FNDC3A: variants seen among roughly 807,000 people sequenced by gnomAD.
FNDC3A encodes the protein fibronectin type-III domain-containing protein 3A.
Under a neutral mutation model 148.9 loss-of-function variants are expected in FNDC3A, and 32 were observed. The observed-to-expected ratio is 0.21, with a 90% confidence interval of 0.16 to 0.29. The LOEUF is 0.29. Ranked by LOEUF, FNDC3A falls within the 10% of genes least tolerant of loss-of-function variation. The probability of loss-of-function intolerance (pLI) is 1.00; values close to 1 mark genes in which losing one functional copy is unlikely to be tolerated. For missense variants in FNDC3A, 1,191 were observed against 1,452.8 expected (o/e 0.82, Z 2.93); for synonymous variants, 472 against 473.6 (o/e 1.00, Z 0.04).
At chr13:49,131,002 G>T in intron 4 of FNDC3A, 135 bp from the exon 5 acceptor site, 1 of 667,510 alleles carries the variant, frequency 1.5e-6, no homozygotes, top group East Asian at 2.7e-5. Context: ...CTGACCCTAG[G>T]TAATCCACCT....
chr13:49,187,676 T>A, intron 16 of FNDC3A: 1 of 1,579,844 alleles, frequency 6.3e-7, no homozygotes, highest in Non-Finnish European at 8.7e-7. Context: ...AACGTAGCGC[T>A]GCTGGAAGCT....
intron 7 of FNDC3A, among the ~76,000 whole-genome samples, chr13:49,143,661 A>G (rs765627672): frequency 8.5e-5 from 13 of 152,152 alleles, no homozygotes; most frequent in Non-Finnish European, 1.5e-4. Flanking sequence ...TTTTAAAAAT[A>G]CTTTATTTGT....
chr13:49,095,733 A>G (rs900576351), intron 3 of FNDC3A, among the ~76,000 whole-genome samples: 1 of 152,102 alleles, frequency 6.6e-6, no homozygotes, highest in Non-Finnish European at 1.5e-5. Context: ...TTTTTGATTC[A>G]GGGAAGTACT....
chr13:49,061,840 C>T (rs554099938), intron 2 of FNDC3A, among the ~76,000 whole-genome samples: 7 of 111,506 alleles, frequency 6.3e-5, no homozygotes, highest in Admixed American at 4.3e-4. Context: ...AAGCTGGTCT[C>T]AAACTCTTGG....
intron 8 of FNDC3A, among the ~76,000 whole-genome samples, chr13:49,155,467 C>G (rs1883605851): frequency 6.8e-6 from 1 of 147,526 alleles, no homozygotes; most frequent in African/African-American, 2.5e-5. Flanking sequence ...TTTCAAAAAA[C>G]CAGCTCCTGG....
intron 3 of FNDC3A, among the ~76,000 whole-genome samples, chr13:49,106,568 CCCA>C (rs1880186239): frequency 6.6e-6 from 1 of 152,186 alleles, no homozygotes; most frequent in African/African-American, 2.4e-5. Context: ...ACCTCAGCTT[CCCA>C]AAGTGCCGGC....
intron 2 of FNDC3A, among the ~76,000 whole-genome samples, chr13:49,023,404 C>G (rs1314661676): frequency 6.6e-6 from 1 of 151,398 alleles, no homozygotes; most frequent in Non-Finnish European, 1.5e-5. Context: ...TATGACAAAA[C>G]TAAAATATTT....
rs1309432589 is a variant in FNDC3A at position 48,985,262 on chromosome 13, A to G, written c.-40+9085A>G. On this transcript the variant is annotated intron_variant, in intron 1 of 25. Coordinates refer to ENST00000492622, the MANE Select transcript of FNDC3A (RefSeq NM_001079673.2). ...GCAGGAAATTTATAGAGGTAGAAAT[A>G]TAGGTAGCCTGTTAAGTTTTGAAGG... Among the ~76,000 whole-genome samples, 4 of 152,232 alleles carry G rather than the reference A, an allele frequency of 2.6e-5. No individual in the cohort carries two copies. The East Asian group carries it at 7.7e-4, about 29-fold the overall frequency.
chr13:49,143,791 TA>T (rs1013523929), intron 7 of FNDC3A, among the ~76,000 whole-genome samples: 15 of 152,156 alleles, frequency 9.9e-5, no homozygotes, highest in African/African-American at 2.4e-4. Context: ...TGTGCTTCCC[TA>T]TTTAATATTT....
At chr13:49,139,104 G>T (rs556716416) in intron 7 of FNDC3A, among the ~76,000 whole-genome samples, 107 of 152,280 alleles carry the variant, frequency 7.0e-4, no homozygotes, top group African/African-American at 2.5e-3. Flanking sequence ...AGTAAAGATT[G>T]CTATTATAGA....
chr13:49,204,456 T>C (rs951713125), intron 25 of FNDC3A, among the ~76,000 whole-genome samples: 25 of 152,358 alleles, frequency 1.6e-4, no homozygotes, highest in African/African-American at 6.0e-4. Flanking sequence ...GTAACCACTC[T>C]ATGTAATATC....
intron 13 of FNDC3A, among the ~76,000 whole-genome samples, chr13:49,178,021 C>T (rs531122357): frequency 1.3e-5 from 2 of 152,208 alleles, no homozygotes; most frequent in African/African-American, 4.8e-5. Flanking sequence ...TGAATTATAT[C>T]TCAATTTTTT....
chr13:49,130,514 G>T (rs923413072), intron 4 of FNDC3A, among the ~76,000 whole-genome samples: 3 of 151,892 alleles, frequency 2.0e-5, no homozygotes, highest in Admixed American at 2.0e-4. Flanking sequence ...TGAACCTCTT[G>T]TGTCTAAACC....
chr13:49,082,124 C>T (rs1249106795), intron 3 of FNDC3A, among the ~76,000 whole-genome samples: 1 of 152,132 alleles, frequency 6.6e-6, no homozygotes, highest in Non-Finnish European at 1.5e-5. Flanking sequence ...GTGGCTCACG[C>T]CTGTAATCCC....
intron 2 of FNDC3A, among the ~76,000 whole-genome samples, chr13:49,055,085 T>C (rs914645441): frequency 6.6e-6 from 1 of 152,034 alleles, no homozygotes; most frequent in African/African-American, 2.4e-5. Context: ...ACTGTGGCAG[T>C]TGGGAAATTT....
intron 4 of FNDC3A, among the ~76,000 whole-genome samples, chr13:49,122,459 C>T (rs1220099214): frequency 6.6e-6 from 1 of 152,206 alleles, no homozygotes; most frequent in African/African-American, 2.4e-5. Context: ...TGCCCTCTCT[C>T]ACCATTCCTA....
At chr13:48,983,839 T>G (rs1346565820) in intron 1 of FNDC3A, among the ~76,000 whole-genome samples, 1 of 152,160 alleles carries the variant, frequency 6.6e-6, no homozygotes, top group Admixed American at 6.5e-5. Context: ...AACACAACAT[T>G]GGTTCAAAAG....
intron 4 of FNDC3A, among the ~76,000 whole-genome samples, chr13:49,116,175 A>G (rs558715901): frequency 8.5e-5 from 13 of 152,204 alleles, no homozygotes; most frequent in African/African-American, 3.1e-4. Flanking sequence ...GCAAACTCCT[A>G]TCCTTTTCAT....
At chr13:49,079,644 A>G (rs1335425459) in intron 3 of FNDC3A, among the ~76,000 whole-genome samples, 2 of 152,238 alleles carry the variant, frequency 1.3e-5, no homozygotes, top group African/African-American at 2.4e-5. Context: ...CTGTTGAACC[A>G]AAAGTCTTCC....
Sources: allele counts gnomAD v4.1 joint callset (sites outside exome capture counted in the v4.1 genomes callset), GRCh38; gene constraint gnomAD v4.1.1; transcripts MANE v1.5; gene names NCBI Gene and HGNC (gene_info 2026-07-23, HGNC 2026-07-21).